UHRF2: variants seen among roughly 807,000 people sequenced by gnomAD.
The protein encoded by UHRF2 is E3 ubiquitin-protein ligase UHRF2.
In UHRF2, 23 loss-of-function variants were observed where a neutral mutation model predicts 96.8. The observed-to-expected ratio is 0.24, with a 90% CI of 0.17 to 0.34. The LOEUF (loss-of-function observed/expected upper bound fraction) is 0.34. Ranked by LOEUF, UHRF2 falls within the 10% of genes least tolerant of loss-of-function variation. The pLI, the probability that UHRF2 is intolerant of heterozygous loss-of-function variation, is 1.00. For missense variants in UHRF2, 685 were observed against 981.5 expected, an observed-to-expected ratio of 0.70 and a Z score of 4.04; for synonymous variants, 385 against 332.6, an observed-to-expected ratio of 1.16 and a Z score of -1.72.
chr9:6,464,956 G>T (rs1243988965), intron 4 of UHRF2, among the ~76,000 whole-genome samples: 1 of 152,044 alleles, frequency 6.6e-6, no homozygotes, highest in Non-Finnish European at 1.5e-5. Flanking sequence ...AGCTTTACTA[G>T]ATTTACTAAT....
At chr9:6,489,148 A>G (rs570871320) in intron 9 of UHRF2, among the ~76,000 whole-genome samples, 2 of 152,304 alleles carry the variant, frequency 1.3e-5, no homozygotes, top group South Asian at 4.1e-4. Context: ...AAGAATTTTT[A>G]TAAATGGAAG....
chr9:6,438,907 G>A (rs1479574462), intron 3 of UHRF2, among the ~76,000 whole-genome samples: 1 of 152,184 alleles, frequency 6.6e-6, no homozygotes, highest in East Asian at 1.9e-4. Context: ...AGGAATGATA[G>A]CCATTATAGA....
intron 3 of UHRF2, among the ~76,000 whole-genome samples, chr9:6,446,780 G>A (rs1350381116): frequency 6.6e-6 from 1 of 152,002 alleles, no homozygotes; most frequent in African/African-American, 2.4e-5. Flanking sequence ...AAGAAGTGGG[G>A]ATTACAGTGA....
rs540197286 is a variant in UHRF2 at position 6,487,029 on chromosome 9, C to T, written c.1497+104C>T. The T allele has an allele frequency of 1.7e-5, 18 of 1,074,984 alleles. No homozygotes were observed. In the South Asian group the frequency reaches 2.6e-4, roughly 15 times the overall value. The allele number at this position is 1,074,984 out of a possible 1,614,324, so 66.6% of individuals were successfully genotyped here. ...CAAATACTGTTGTGTCTTTTTAGCA[C>T]AGTTTTTGTTGAAGTAATCAGTTTT... On this transcript the variant is annotated intron_variant, in intron 9 of 15. Coordinates refer to ENST00000276893, the MANE Select transcript of UHRF2 (RefSeq NM_152896.3).
intron 10 of UHRF2, chr9:6,495,563 G>C (rs1168941454): frequency 6.6e-6 from 1 of 152,168 alleles, no homozygotes; most frequent in Non-Finnish European, 1.5e-5. Flanking sequence ...TTGCTTCTGA[G>C]TTTATTCCTA....
At chr9:6,444,433 G>A (rs1045590562) in intron 3 of UHRF2, among the ~76,000 whole-genome samples, 2 of 152,144 alleles carry the variant, frequency 1.3e-5, no homozygotes, top group Non-Finnish European at 2.9e-5. Flanking sequence ...GATACCAGTT[G>A]ATTTCACCTC....
At chr9:6,445,365 G>A (rs1821424974) in intron 3 of UHRF2, among the ~76,000 whole-genome samples, 1 of 152,094 alleles carries the variant, frequency 6.6e-6, no homozygotes, top group South Asian at 2.1e-4. Flanking sequence ...CCAGGTTCAA[G>A]CGATTCTCCT....
At chr9:6,483,360 T>G (rs1824045772) in intron 8 of UHRF2, among the ~76,000 whole-genome samples, 1 of 150,078 alleles carries the variant, frequency 6.7e-6, no homozygotes, top group African/African-American at 2.5e-5. Context: ...CTTTATACAA[T>G]GGTGCAGTAT....
intron 3 of UHRF2, among the ~76,000 whole-genome samples, chr9:6,456,345 T>G (rs1822174497): frequency 6.6e-6 from 1 of 152,224 alleles, no homozygotes; most frequent in African/African-American, 2.4e-5. Flanking sequence ...TTTTGAGAAC[T>G]GTCTGTTCAT....
rs777974090 is a variant in UHRF2 at position 6,504,650 on chromosome 9, T to G, written c.2221T>G (p.Tyr741Asp). Reference protein sequence around the residue: ...FMCVCCQELVYQPVTTECFHN... With the variant: ...FMCVCCQELVDQPVTTECFHN... ...GTGCGTTTGCTGTCAGGAGCTAGTT[T>G]ACCAGCCTGTGACAACTGAGTGCTT... The change falls in exon 15 of 16, where the codon TAC (tyrosine) becomes GAC (aspartate). Residue 741 changes from tyrosine to aspartate, a missense_variant. By Grantham distance (160) the Tyr-to-Asp change is radical (BLOSUM62 -3). Transcript: ENST00000276893. 1 of 1,613,848 alleles carries G rather than the reference T, an allele frequency of 6.2e-7. No individual in the cohort carries two copies. The highest frequency in any genetic ancestry group is 1.3e-5 in the African/African-American group (1 of 74,948).
At chr9:6,427,639 C>T (rs563367898) in intron 2 of UHRF2, among the ~76,000 whole-genome samples, 7 of 152,148 alleles carry the variant, frequency 4.6e-5, no homozygotes, top group Admixed American at 2.6e-4. Flanking sequence ...GAGCTTAGAC[C>T]GCGCCACTGC....
intron 8 of UHRF2, among the ~76,000 whole-genome samples, chr9:6,483,207 A>G (rs1458217828): frequency 1.3e-5 from 2 of 151,456 alleles, no homozygotes; most frequent in African/African-American, 4.9e-5. Flanking sequence ...CGCCTATAAT[A>G]CCAGCTACTC....
chr9:6,442,447 A>G (rs1051781428), intron 3 of UHRF2, among the ~76,000 whole-genome samples: 1 of 133,560 alleles, frequency 7.5e-6, no homozygotes, highest in Admixed American at 7.9e-5. Context: ...AAACATTGGC[A>G]TAAGGTTTTG....
chr9:6,477,731 G>T lies in UHRF2; in HGVS notation c.1083G>T (p.Leu361=). 6.2e-7 allele frequency: 1 copy of T among 1,614,126 alleles called. No individual in the cohort carries two copies. The highest frequency in any genetic ancestry group is 8.5e-7 in the Non-Finnish European group (1 of 1,179,982). The part of the protein sequence containing the change: ...GGKHEPNMQL[L]CDECNVAYHI... ...AACATGAACCCAACATGCAGCTTCT[G>T]TGTGATGAATGTAATGTGGCTTATC... The change falls in exon 6 of 16, where the codon CTG becomes CTT. Residue 361 remains leucine (L), a synonymous_variant. Coordinates refer to ENST00000276893, the MANE Select transcript of UHRF2 (RefSeq NM_152896.3).
At chr9:6,453,360 T>G (rs1821983621) in intron 3 of UHRF2, among the ~76,000 whole-genome samples, 2 of 152,214 alleles carry the variant, frequency 1.3e-5, no homozygotes, top group African/African-American at 4.8e-5. Context: ...CAGTGTTATT[T>G]AAAAACATAC....
At chr9:6,460,347 T>A (rs1180410210) in intron 3 of UHRF2, among the ~76,000 whole-genome samples, 5 of 152,096 alleles carry the variant, frequency 3.3e-5, no homozygotes. Flanking sequence ...CAAGGCCTAG[T>A]GGGAATGGGG....
chr9:6,500,721 T>A lies in UHRF2; in HGVS notation c.2163+12T>A. On this transcript the variant is annotated intron_variant, in intron 14 of 15. Coordinates refer to ENST00000276893, the MANE Select transcript of UHRF2 (RefSeq NM_152896.3). ...TTGTGGAAGGACCAGTATGTGAAGATTTTTTTAAATAATAACATTCTGATA... is the reference window on the plus strand; with the variant it reads ...TTGTGGAAGGACCAGTATGTGAAGAATTTTTTAAATAATAACATTCTGATA... 1 of 1,592,572 alleles carries A rather than the reference T, an allele frequency of 6.3e-7. No individual in the cohort carries two copies.
At chr9:6,447,529 C>A (rs1263267370) in intron 3 of UHRF2, among the ~76,000 whole-genome samples, 4 of 151,944 alleles carry the variant, frequency 2.6e-5, no homozygotes, top group Non-Finnish European at 4.4e-5. Flanking sequence ...TATGGGGCTA[C>A]CTGAGAGTAG....
intron 4 of UHRF2, 29 bp downstream of exon 4, chr9:6,460,820 A>C (rs773690085): frequency 3.2e-6 from 5 of 1,572,638 alleles, no homozygotes; most frequent in Non-Finnish European, 4.3e-6. Flanking sequence ...GTGCCATTTA[A>C]TTAACTGAAT....
Sources: gnomAD v4.1 joint callset for allele counts (sites outside exome capture counted in the v4.1 genomes callset) on GRCh38, gnomAD v4.1.1 for gene constraint, MANE v1.5 for transcripts, NCBI Gene and HGNC (gene_info 2026-07-23, HGNC 2026-07-21) for gene names.